KCTD8: variants seen among roughly 807,000 people sequenced by gnomAD.
KCTD8 encodes BTB/POZ domain-containing protein KCTD8.
In KCTD8, 27 loss-of-function variants were observed where a neutral mutation model predicts 31.5. That is an observed-to-expected ratio of 0.86 (90% confidence interval 0.63 to 1.18). KCTD8 has a LOEUF of 1.18. KCTD8 is among the 50% of genes most tolerant of loss of function. The pLI is 0.00. For synonymous variants in KCTD8, 290 were observed against 280.0 expected, an observed-to-expected ratio of 1.04 and a Z score of -0.36; for missense variants, 658 against 647.7, an observed-to-expected ratio of 1.02 and a Z score of -0.17.
intron 1 of KCTD8, among the ~76,000 whole-genome samples, chr4:44,277,747 C>A (rs1716793012): frequency 1.3e-5 from 2 of 151,802 alleles, no homozygotes. Flanking sequence ...ACTCTTACTT[C>A]AATCCTATGT....
At chr4:44,380,459 A>G (rs1720033969) in intron 1 of KCTD8, among the ~76,000 whole-genome samples, 1 of 151,758 alleles carries the variant, frequency 6.6e-6, no homozygotes, top group Non-Finnish European at 1.5e-5. Context: ...TTAAGCCCAA[A>G]GTAGGTATTT....
At chr4:44,373,699 A>G (rs1719847696) in intron 1 of KCTD8, among the ~76,000 whole-genome samples, 1 of 152,174 alleles carries the variant, frequency 6.6e-6, no homozygotes, top group Non-Finnish European at 1.5e-5. Flanking sequence ...TGTCTTCCAT[A>G]AATAAATGAA....
rs532018526 is a variant in KCTD8, at chr4:44,271,679, G to A, written c.962-96429C>T. On this transcript the variant is annotated intron_variant, in intron 1 of 1. Coordinates refer to ENST00000360029, the MANE Select transcript of KCTD8 (RefSeq NM_198353.3). ...TTAAGCCACAAACAATAGCATGAGC[G>A]ATCTGTGCCTTAAGGACATGTTCCT... 2.6e-5 allele frequency among the ~76,000 whole-genome samples: 4 copies of A among 152,270 alleles called. No homozygotes were observed. The East Asian group carries it at 5.8e-4, about 22-fold the overall frequency.
At chr4:44,407,120 A>T (rs1393858933) in intron 1 of KCTD8, among the ~76,000 whole-genome samples, 3 of 152,150 alleles carry the variant, frequency 2.0e-5, no homozygotes, top group Admixed American at 1.3e-4. Context: ...ACTGTTTTAC[A>T]TTGTCCTTAT....
intron 1 of KCTD8, among the ~76,000 whole-genome samples, chr4:44,277,676 T>TC (rs1716791372): frequency 6.6e-6 from 1 of 151,928 alleles, no homozygotes; most frequent in Non-Finnish European, 1.5e-5. Flanking sequence ...GTAATGCACA[T>TC]TATGGAGCAC....
chr4:44,408,500 A>G (rs1451516047), intron 1 of KCTD8, among the ~76,000 whole-genome samples: 1 of 152,214 alleles, frequency 6.6e-6, no homozygotes, highest in East Asian at 1.9e-4. Flanking sequence ...ATTCCCCTAA[A>G]CAACATATCA....
intron 1 of KCTD8, among the ~76,000 whole-genome samples, chr4:44,276,964 C>T (rs954009704): frequency 7.2e-5 from 11 of 151,918 alleles, no homozygotes; most frequent in African/African-American, 2.4e-4. Flanking sequence ...CCCAGCCTAG[C>T]TACTTAACTC....
At chr4:44,234,800 G>A (rs1715227375) in intron 1 of KCTD8, among the ~76,000 whole-genome samples, 1 of 152,158 alleles carries the variant, frequency 6.6e-6, no homozygotes, top group South Asian at 2.1e-4. Context: ...TCCTATGGGA[G>A]CCTAACCAAA....
chr4:44,268,514 A>G (rs1033506561), intron 1 of KCTD8, among the ~76,000 whole-genome samples: 2 of 152,140 alleles, frequency 1.3e-5, no homozygotes, highest in African/African-American at 4.8e-5. Flanking sequence ...CACCACTCCT[A>G]TTCAACACAG....
chr4:44,397,380 C>T (rs991593813), intron 1 of KCTD8, among the ~76,000 whole-genome samples: 2 of 152,054 alleles, frequency 1.3e-5, no homozygotes, highest in Admixed American at 6.6e-5. Context: ...TATATGTATG[C>T]ACATTCATAT....
intron 1 of KCTD8, among the ~76,000 whole-genome samples, chr4:44,310,003 T>G (rs1205586834): frequency 6.6e-6 from 1 of 152,050 alleles, no homozygotes; most frequent in Non-Finnish European, 1.5e-5. Flanking sequence ...CTTGGAGAGA[T>G]CCTTAAAAGA....
Position 44,378,270 on chromosome 4 carries a change from T to C in KCTD8, c.961+69293A>G, listed in dbSNP as rs183715889. Among the ~76,000 whole-genome samples the C allele has an allele frequency of 7.1e-3, 1,047 of 146,992 alleles. 5 individuals carry two copies. Among genetic ancestry groups the C allele is most frequent in the South Asian group, 0.012 (57 of 4,750 alleles). On this transcript the variant is annotated intron_variant, in intron 1 of 1. Coordinates refer to ENST00000360029, the MANE Select transcript of KCTD8 (RefSeq NM_198353.3). ...ATATATATATATATCTCCATGTATG[T>C]GTATTAGGCAGGGCACAATACTATA...
chr4:44,200,678 T>C (rs140129099), intron 1 of KCTD8, among the ~76,000 whole-genome samples: 3 of 152,180 alleles, frequency 2.0e-5, no homozygotes, highest in Non-Finnish European at 4.4e-5. Context: ...GAGGCATCTA[T>C]GACAAACTGA....
chr4:44,247,049 T>C (rs936036317), intron 1 of KCTD8, among the ~76,000 whole-genome samples: 3 of 152,056 alleles, frequency 2.0e-5, no homozygotes, highest in Non-Finnish European at 2.9e-5. Context: ...TTTATATCCA[T>C]AGTCCAGACA....
At chr4:44,378,812 T>C (rs149493763) in intron 1 of KCTD8, among the ~76,000 whole-genome samples, 134 of 152,262 alleles carry the variant, frequency 8.8e-4, no homozygotes, top group African/African-American at 3.1e-3. Context: ...CTTGAAACCA[T>C]AGAAATGTAT....
At chr4:44,198,860 G>A (rs759694395) in intron 1 of KCTD8, among the ~76,000 whole-genome samples, 25 of 152,004 alleles carry the variant, frequency 1.6e-4, no homozygotes, top group Non-Finnish European at 2.8e-4. Context: ...GGCATAAAGT[G>A]GCAAGCTGGA....
At chr4:44,241,400 C>A (rs1365616110) in intron 1 of KCTD8, among the ~76,000 whole-genome samples, 1 of 152,182 alleles carries the variant, frequency 6.6e-6, no homozygotes, top group Non-Finnish European at 1.5e-5. Flanking sequence ...CAAACACACA[C>A]CTGAACACAC....
intron 1 of KCTD8, among the ~76,000 whole-genome samples, chr4:44,202,570 T>C (rs1714182507): frequency 6.6e-6 from 1 of 152,050 alleles, no homozygotes; most frequent in Non-Finnish European, 1.5e-5. Flanking sequence ...AAGTGGGAGC[T>C]AAACATTGAA....
intron 1 of KCTD8, among the ~76,000 whole-genome samples, chr4:44,194,109 T>C (rs1713857227): frequency 6.6e-6 from 1 of 152,118 alleles, no homozygotes; most frequent in Non-Finnish European, 1.5e-5. Context: ...TATGAGAAGA[T>C]ACATTTAAGA....
Sources: gnomAD v4.1 joint callset for allele counts (sites outside exome capture counted in the v4.1 genomes callset) on GRCh38, gnomAD v4.1.1 for gene constraint, MANE v1.5 for transcripts, NCBI Gene and HGNC (gene_info 2026-07-23, HGNC 2026-07-21) for gene names.